The following SGSM1 variants were observed in gnomAD, a reference collection of about 807,000 sequenced individuals.
SGSM1 encodes the protein small G protein signaling modulator 1.
SGSM1 carries 73 observed loss-of-function variants against 133.8 expected under a neutral mutation model. That is an observed-to-expected ratio of 0.55 (90% CI 0.45 to 0.66). The LOEUF (loss-of-function observed/expected upper bound fraction) is 0.66, where lower values mean the gene tolerates loss of function less well. Ranked by LOEUF, SGSM1 falls within the 30% of genes least tolerant of loss-of-function variation. SGSM1 has a pLI of 0.00. For synonymous variants in SGSM1, 563 were observed against 573.0 expected (o/e 0.98, Z 0.25); for missense variants, 1,213 against 1,448.1 (o/e 0.84, Z 2.64).
At chr22:24,809,839 G>A (rs1201530035) in intron 2 of SGSM1, among the ~76,000 whole-genome samples, 7 of 152,290 alleles carry the variant, frequency 4.6e-5, no homozygotes, top group South Asian at 2.1e-4. Context: ...AGAGGCACCC[G>A]GGGCTGCAAG....
chr22:24,878,650 C>G (rs1932155572), intron 13 of SGSM1, among the ~76,000 whole-genome samples: 2 of 152,170 alleles, frequency 1.3e-5, no homozygotes, highest in Admixed American at 1.3e-4. Flanking sequence ...TTCAGCAGTC[C>G]TGGATTTCTC....
At chr22:24,826,479 T>G (rs1298439599) in intron 2 of SGSM1, among the ~76,000 whole-genome samples, 1 of 152,206 alleles carries the variant, frequency 6.6e-6, no homozygotes, top group Non-Finnish European at 1.5e-5. Flanking sequence ...TCAGTAAGCA[T>G]TAGCTGCTGG....
chr22:24,837,143 C>T (rs950625643), intron 2 of SGSM1, among the ~76,000 whole-genome samples: 3 of 152,220 alleles, frequency 2.0e-5, no homozygotes, highest in South Asian at 4.2e-4. Context: ...GCACGGAGAC[C>T]GGTAGTGGCC....
intron 22 of SGSM1, among the ~76,000 whole-genome samples, 195 bp downstream of exon 22, chr22:24,912,947 T>C (rs910928843): frequency 3.3e-5 from 5 of 152,126 alleles, no homozygotes; most frequent in South Asian, 2.1e-4. Flanking sequence ...TTCTCACTTA[T>C]ATGAGTCCCA....
intron 8 of SGSM1, among the ~76,000 whole-genome samples, chr22:24,859,142 A>T (rs1331254088): frequency 6.6e-6 from 1 of 152,146 alleles, no homozygotes; most frequent in Non-Finnish European, 1.5e-5. Flanking sequence ...GGTGAATTTG[A>T]TGGAGGGGTG....
Position 24,837,591 on chromosome 22 carries a change from C to G in SGSM1, c.64-7306C>G, listed in dbSNP as rs913127790. ...GGGGAAAGGGAGACCCCCCCCCCCCCTTTCCCAGTCTGCTAAGTAGCGGGT... is the reference window on the plus strand; with the variant it reads ...GGGGAAAGGGAGACCCCCCCCCCCCGTTTCCCAGTCTGCTAAGTAGCGGGT... On this transcript the variant is annotated intron_variant, in intron 2 of 24. Transcript: ENST00000400358. Among the ~76,000 whole-genome samples, 42 of 109,600 alleles carry G rather than the reference C, an allele frequency of 3.8e-4. 1 individual carries two copies. The highest frequency in any genetic ancestry group is 4.2e-3 in the Middle Eastern group (1 of 240). The allele number at this position is 109,600 out of a possible 152,430, so 71.9% of individuals were successfully genotyped here. A position where few individuals can be genotyped will look rare whatever the true frequency, so the allele number is the denominator to read the frequency against.
chr22:24,839,773 T>C (rs185328719), intron 2 of SGSM1, among the ~76,000 whole-genome samples: 1 of 152,304 alleles, frequency 6.6e-6, no homozygotes, highest in African/African-American at 2.4e-5. Flanking sequence ...GGCATACATT[T>C]ATTTGTTTAT....
intron 23 of SGSM1, 71 bp downstream of exon 23, chr22:24,917,825 G>A: frequency 7.5e-7 from 1 of 1,341,658 alleles, no homozygotes; most frequent in Admixed American, 1.9e-5. Flanking sequence ...AAGATCCCGT[G>A]GAGGTGAGGT....
chr22:24,829,131 G>A (rs2147807182), intron 2 of SGSM1, among the ~76,000 whole-genome samples: 1 of 152,248 alleles, frequency 6.6e-6, no homozygotes, highest in South Asian at 2.1e-4. Flanking sequence ...GGGAGGTGGA[G>A]CTTGCAGGGA....
chr22:24,812,187 A>G (rs1477846678), intron 2 of SGSM1, among the ~76,000 whole-genome samples: 1 of 151,538 alleles, frequency 6.6e-6, no homozygotes, highest in Non-Finnish European at 1.5e-5. Flanking sequence ...GAAAAAAAAA[A>G]AGAAAAGAAA....
intron 2 of SGSM1, among the ~76,000 whole-genome samples, chr22:24,827,744 C>T (rs1207781722): frequency 1.3e-5 from 2 of 152,124 alleles, no homozygotes; most frequent in Non-Finnish European, 2.9e-5. Flanking sequence ...TTACCACCCA[C>T]CTCACTTAAC....
intron 8 of SGSM1, among the ~76,000 whole-genome samples, chr22:24,859,265 G>T (rs1344547433): frequency 1.3e-5 from 2 of 152,142 alleles, no homozygotes; most frequent in African/African-American, 4.8e-5. Flanking sequence ...AGTGTAGGGG[G>T]GGTTTTTGGG....
intron 17 of SGSM1, 66 bp from the exon 18 acceptor site, chr22:24,895,157 A>G (rs1932884193): frequency 4.7e-6 from 7 of 1,490,508 alleles, no homozygotes; most frequent in Non-Finnish European, 4.6e-6. Flanking sequence ...CCAGCCCAGC[A>G]GTCCTTCCTG....
At position 24,844,965 on chromosome 22, in the gene SGSM1, C is replaced by A; in HGVS notation, c.132C>A (p.Ser44=). 6.2e-7 allele frequency: 1 copy of A among 1,613,742 alleles called. No homozygotes were observed. Among genetic ancestry groups the A allele is most frequent in the Non-Finnish European group, 8.5e-7 (1 of 1,179,834 alleles). ...FVHEDSSHII[S]FCAAVEACVL... is the part of the protein sequence containing the mutation. ...ACGAAGACAGCAGCCACATCATCTC[C>A]TTCTGTGGTGAGTCTGTGACCTGGG... is the stretch of plus-strand genomic sequence containing the variant. The change falls in exon 3 of 25, where the codon TCC becomes TCA. Residue 44 remains serine, a synonymous_variant. Transcript: ENST00000400358.
Position 24,924,174 on chromosome 22 carries a change from C to T in SGSM1, c.3194-12C>T. The T allele has an allele frequency of 5.6e-6, 9 of 1,613,770 alleles. No individual in the cohort carries two copies. The highest frequency in any genetic ancestry group is 7.6e-6 in the Non-Finnish European group (9 of 1,179,744). On this transcript the variant is annotated splice_polypyrimidine_tract_variant and intron_variant, in intron 24 of 24. Transcript: ENST00000400358. ...AAGGAGGCTCATGAGATTTTTCTTT[C>T]TGCTCTTTCAGAAATGGCTGAGCGA...
intron 2 of SGSM1, among the ~76,000 whole-genome samples, chr22:24,817,390 G>A (rs190841851): frequency 6.6e-6 from 1 of 150,456 alleles, no homozygotes; most frequent in East Asian, 2.0e-4. Context: ...GTCTCACTCT[G>A]TCGCCAGGCT....
chr22:24,863,635 C>T (rs1035126267), intron 9 of SGSM1, among the ~76,000 whole-genome samples: 5 of 151,974 alleles, frequency 3.3e-5, no homozygotes, highest in East Asian at 1.9e-4. Flanking sequence ...GTTGGTGTGT[C>T]GGGAAGGGGT....
At chr22:24,856,914 G>A (rs1042708780) in intron 8 of SGSM1, among the ~76,000 whole-genome samples, 1 of 151,602 alleles carries the variant, frequency 6.6e-6, no homozygotes, top group Non-Finnish European at 1.5e-5. Context: ...GACTACAGAT[G>A]CCCGCCACCA....
chr22:24,876,552 C>G, intron 12 of SGSM1, 25 bp from the exon 13 acceptor site: 1 of 1,613,562 alleles, frequency 6.2e-7, no homozygotes, highest in Non-Finnish European at 8.5e-7. Flanking sequence ...GGTGATTCTT[C>G]TGCCCCTCCT....
Sources: gnomAD v4.1 joint callset for allele counts (sites outside exome capture counted in the v4.1 genomes callset) on GRCh38, gnomAD v4.1.1 for gene constraint, MANE v1.5 for transcripts, NCBI Gene and HGNC (gene_info 2026-07-23, HGNC 2026-07-21) for gene names.